Variants in NRXN1 observed in about 807,000 individuals in gnomAD.
NRXN1 encodes the protein neurexin-1.
In NRXN1, 39 loss-of-function variants were observed where a neutral mutation model predicts 150.9. That is an observed-to-expected ratio of 0.26 (90% CI 0.20 to 0.34). The LOEUF (loss-of-function observed/expected upper bound fraction) is 0.34, where lower values mean the gene tolerates loss of function less well. NRXN1 is among the 10% of genes least tolerant of loss of function. The pLI is 1.00. For missense variants in NRXN1, 1,815 were observed against 1,949.9 expected (o/e 0.93, Z 1.30); for synonymous variants, 924 against 757.0 (o/e 1.22, Z -3.62).
At chr2:50,276,378 T>C (rs959992336) in intron 17 of NRXN1, among the ~76,000 whole-genome samples, 1 of 152,118 alleles carries the variant, frequency 6.6e-6, no homozygotes, top group African/African-American at 2.4e-5. Flanking sequence ...GGGAAGAACA[T>C]TAAAAGGTAG....
At chr2:51,017,701 T>C (rs17041196) in intron 2 of NRXN1, among the ~76,000 whole-genome samples, 15,086 of 151,854 alleles carry the variant, frequency 0.099, 1,409 homozygotes, top group East Asian at 0.43. Context: ...CATTTCACTG[T>C]GCTTTTGAGT....
At chr2:50,906,257 T>C (rs996716880) in intron 5 of NRXN1, among the ~76,000 whole-genome samples, 4 of 152,142 alleles carry the variant, frequency 2.6e-5, no homozygotes, top group Non-Finnish European at 5.9e-5. Context: ...TGTACTAAAA[T>C]GGAAATCAGA....
intron 2 of NRXN1, among the ~76,000 whole-genome samples, chr2:50,940,234 T>G (rs535403409): frequency 6.6e-6 from 1 of 152,008 alleles, no homozygotes; most frequent in African/African-American, 2.4e-5. Context: ...TCCCAGCACT[T>G]TGGGAGGCCA....
At chr2:50,763,984 T>G (rs2105402522) in intron 5 of NRXN1, among the ~76,000 whole-genome samples, 1 of 151,166 alleles carries the variant, frequency 6.6e-6, no homozygotes, top group South Asian at 2.1e-4. Context: ...GCATTAGAAC[T>G]AAAGAGAAAG....
At chr2:50,563,186 C>A (rs1163312305) in intron 8 of NRXN1, among the ~76,000 whole-genome samples, 1 of 152,170 alleles carries the variant, frequency 6.6e-6, no homozygotes, top group African/African-American at 2.4e-5. Context: ...GCAAGTTATA[C>A]ATTCAAATTT....
At chr2:50,810,742 G>A (rs1668100728) in intron 5 of NRXN1, among the ~76,000 whole-genome samples, 1 of 152,142 alleles carries the variant, frequency 6.6e-6, no homozygotes, top group Non-Finnish European at 1.5e-5. Context: ...AGCACTTTGG[G>A]AGGACTAGGC....
At chr2:50,817,161 C>A (rs369521900) in intron 5 of NRXN1, among the ~76,000 whole-genome samples, 3 of 151,980 alleles carry the variant, frequency 2.0e-5, no homozygotes, top group Non-Finnish European at 1.5e-5. Context: ...AAAGGAGATA[C>A]AACAGAGTAA....
At chr2:50,937,899 T>G (rs1688783680) in intron 2 of NRXN1, among the ~76,000 whole-genome samples, 1 of 152,164 alleles carries the variant, frequency 6.6e-6, no homozygotes, top group African/African-American at 2.4e-5. Flanking sequence ...TAGGGTGTAC[T>G]TGAACAAACC....
chr2:50,618,746 C>A (rs1203534953), intron 8 of NRXN1, among the ~76,000 whole-genome samples: 1 of 150,188 alleles, frequency 6.7e-6, no homozygotes, highest in East Asian at 1.9e-4. Context: ...AATAACAGCT[C>A]TGGAAATATT....
chr2:50,286,707 A>G (rs1055271972), intron 17 of NRXN1, among the ~76,000 whole-genome samples: 2 of 152,150 alleles, frequency 1.3e-5, no homozygotes, highest in African/African-American at 2.4e-5. Flanking sequence ...TGATGTGAGT[A>G]CATTAAAAAA....
intron 5 of NRXN1, chr2:50,917,037 T>A (rs1685307050): frequency 6.6e-6 from 1 of 151,698 alleles, no homozygotes; most frequent in Non-Finnish European, 1.5e-5. Flanking sequence ...AAGTAGATAT[T>A]TAATGTCTGA....
At chr2:49,947,303 AT>A (rs1474868323) in intron 21 of NRXN1, among the ~76,000 whole-genome samples, 1 of 152,002 alleles carries the variant, frequency 6.6e-6, no homozygotes, top group Non-Finnish European at 1.5e-5. Flanking sequence ...ATATAAATAA[AT>A]TCTTTAAACC....
chr2:50,309,073 C>T (rs1044659065), intron 17 of NRXN1, among the ~76,000 whole-genome samples: 6 of 152,128 alleles, frequency 3.9e-5, no homozygotes, highest in Admixed American at 6.5e-5. Flanking sequence ...AATGCAAAGA[C>T]AAGTATTTTC....
intron 17 of NRXN1, among the ~76,000 whole-genome samples, chr2:50,344,578 T>C (rs1383017876): frequency 1.3e-5 from 2 of 152,188 alleles, no homozygotes; most frequent in East Asian, 3.9e-4. Context: ...ATCCTATTCT[T>C]TCTCTTTTTC....
intron 2 of NRXN1, among the ~76,000 whole-genome samples, chr2:50,993,152 G>T (rs1269172128): frequency 6.6e-6 from 1 of 151,930 alleles, no homozygotes; most frequent in Non-Finnish European, 1.5e-5. Flanking sequence ...AAAGGTAAAT[G>T]ATTGTTATAG....
At chr2:50,460,047 A>C (rs139815517) in intron 17 of NRXN1, among the ~76,000 whole-genome samples, 19 of 152,124 alleles carry the variant, frequency 1.2e-4, no homozygotes, top group Non-Finnish European at 2.6e-4. Flanking sequence ...AACTAAAACC[A>C]TTGTCTTTCC....
chr2:50,018,814 T>C (rs1374218936), intron 21 of NRXN1, among the ~76,000 whole-genome samples: 1 of 152,202 alleles, frequency 6.6e-6, no homozygotes, highest in Non-Finnish European at 1.5e-5. Flanking sequence ...TCCTTTTCCA[T>C]TTATGTAGAA....
intron 5 of NRXN1, among the ~76,000 whole-genome samples, chr2:50,736,426 A>C (rs1299158896): frequency 6.9e-6 from 1 of 145,510 alleles, no homozygotes; most frequent in Non-Finnish European, 1.6e-5. Flanking sequence ...CGCCCTAGTG[A>C]GTGTCTTTAC....
At chr2:50,917,594 C>A (rs1263188341) in intron 5 of NRXN1, 2 of 151,548 alleles carry the variant, frequency 1.3e-5, no homozygotes, top group African/African-American at 4.8e-5. Context: ...GTCCTGAGGG[C>A]AGAGCCTTTA....
Sources: gnomAD v4.1 joint callset for allele counts (sites outside exome capture counted in the v4.1 genomes callset) on GRCh38, gnomAD v4.1.1 for gene constraint, MANE v1.5 for transcripts, NCBI Gene and HGNC (gene_info 2026-07-23, HGNC 2026-07-21) for gene names.